COL15A1: variants seen among roughly 807,000 people sequenced by gnomAD.
The protein encoded by COL15A1 is collagen alpha-1(XV) chain.
COL15A1 carries 111 observed loss-of-function variants against 165.9 expected under a neutral mutation model. The observed-to-expected ratio is 0.67, with a 90% CI of 0.57 to 0.78. COL15A1 has a LOEUF of 0.78. COL15A1 is among the 30% of genes least tolerant of loss of function. The probability of loss-of-function intolerance (pLI) is 0.00; values close to 1 mark genes in which losing one functional copy is unlikely to be tolerated. For synonymous variants in COL15A1, 659 were observed against 674.8 expected (o/e 0.98, Z 0.36); for missense variants, 1,745 against 1,789.7 (o/e 0.98, Z 0.45).
intron 9 of COL15A1, among the ~76,000 whole-genome samples, chr9:99,007,182 T>A (rs1838777657): frequency 6.6e-6 from 1 of 152,218 alleles, no homozygotes; most frequent in South Asian, 2.1e-4. Flanking sequence ...AGCAATCAGA[T>A]ATGCATTTAT....
intron 2 of COL15A1, among the ~76,000 whole-genome samples, chr9:98,954,707 T>A (rs1564007401): frequency 6.6e-6 from 1 of 152,212 alleles, no homozygotes; most frequent in Non-Finnish European, 1.5e-5. Flanking sequence ...GCATGCCCAT[T>A]TTTAAGGCTT....
chr9:98,998,115 C>A (rs1424232667), intron 6 of COL15A1, among the ~76,000 whole-genome samples: 1 of 152,192 alleles, frequency 6.6e-6, no homozygotes, highest in Admixed American at 6.5e-5. Context: ...TATCTATTTA[C>A]ATATAGCTAT....
At chr9:98,964,140 C>T (rs900646603) in intron 2 of COL15A1, among the ~76,000 whole-genome samples, 2 of 152,252 alleles carry the variant, frequency 1.3e-5, no homozygotes, top group Admixed American at 1.3e-4. Context: ...AATTCCACGT[C>T]CTTTGCCCTG....
intron 2 of COL15A1, among the ~76,000 whole-genome samples, chr9:98,975,815 AG>A (rs1342786055): frequency 1.3e-5 from 2 of 152,052 alleles, no homozygotes; most frequent in Admixed American, 6.6e-5. Context: ...TGTTTAGAGG[AG>A]GGGGGATGAC....
In COL15A1 at chr9:98,984,875, A is replaced by G. The variant is rs577561702; in HGVS notation, c.101-690A>G. On this transcript the variant is annotated intron_variant, in intron 2 of 41. Coordinates refer to ENST00000375001, the MANE Select transcript of COL15A1 (RefSeq NM_001855.5). Reference sequence around the variant, plus strand: ...GGTGCGATCTCAGCTCACTGCAACCACCACCTCCGGGGTTCAAGTGATTCT... The same window carrying G: ...GGTGCGATCTCAGCTCACTGCAACCGCCACCTCCGGGGTTCAAGTGATTCT... 4.7e-4 allele frequency among the ~76,000 whole-genome samples: 71 copies of G among 152,286 alleles called. 1 individual carries two copies. Among genetic ancestry groups the G allele is most frequent in the Non-Finnish European group, 8.5e-4 (58 of 68,022 alleles).
chr9:99,034,982 G>T, intron 17 of COL15A1, 32 bp from the exon 18 acceptor site: 8 of 1,596,942 alleles, frequency 5.0e-6, no homozygotes, highest in Non-Finnish European at 6.9e-6. Flanking sequence ...TGAACCCAGG[G>T]CTAGATAATC....
intron 2 of COL15A1, among the ~76,000 whole-genome samples, chr9:98,963,717 T>G (rs956032857): frequency 5.9e-5 from 9 of 151,932 alleles, no homozygotes; most frequent in Admixed American, 6.6e-5. Context: ...ATGGTGGTGG[T>G]GGGTGATGGG....
At position 99,038,706 on chromosome 9, in the gene COL15A1, G is replaced by A. The variant is rs760671676; in HGVS notation, c.2448G>A (p.Ser816=). Residue 816 remains serine, a synonymous_variant, in exon 22 of 42, where the codon TCG becomes TCA. Transcript: ENST00000375001. ...TCACCCATGGATTCATGAATTTCTC[G>A]GACATTCCTGAGCTGGTGGGGCCTC... The part of the protein sequence containing the change: ...INITHGFMNF[S]DIPELVGPPG... 73 of 1,610,948 alleles carry A rather than the reference G, an allele frequency of 4.5e-5. No homozygotes were observed. Among genetic ancestry groups the A allele is most frequent in the Middle Eastern group, 1.6e-4 (1 of 6,078 alleles).
chr9:99,069,610 T>G lies in COL15A1; in HGVS notation c.3954-63T>G, dbSNP rs116771434. On this transcript the variant is annotated intron_variant, in intron 41 of 41. Transcript: ENST00000375001. ...ATTCATTAGACTTATGCCAATTTGCTTACCAAAAAATACCACAAAGAAGTG... is the reference window on the plus strand; with the variant it reads ...ATTCATTAGACTTATGCCAATTTGCGTACCAAAAAATACCACAAAGAAGTG... 2.3e-3 allele frequency: 3,604 copies of G among 1,570,408 alleles called. 39 individuals carry two copies. The African/African-American group carries it at 0.025, about 11-fold the overall frequency.
At chr9:99,036,634 C>G (rs2119055627) in intron 21 of COL15A1, among the ~76,000 whole-genome samples, 1 of 152,356 alleles carries the variant, frequency 6.6e-6, no homozygotes, top group East Asian at 1.9e-4. Context: ...ATTGAAAAAA[C>G]AGGCTAGGAG....
At chr9:98,996,819 C>G in intron 5 of COL15A1, 115 bp from the exon 6 acceptor site, 1 of 1,470,490 alleles carries the variant, frequency 6.8e-7, no homozygotes, top group Non-Finnish European at 9.2e-7. Context: ...CAAGCTTTCC[C>G]CTTGGTTTAT....
intron 36 of COL15A1, among the ~76,000 whole-genome samples, chr9:99,061,465 G>A (rs1825815411): frequency 6.6e-6 from 1 of 152,188 alleles, no homozygotes; most frequent in Non-Finnish European, 1.5e-5. Flanking sequence ...TGCATTTAAT[G>A]TAACTACCAA....
intron 39 of COL15A1, among the ~76,000 whole-genome samples, chr9:99,064,559 T>C (rs1231053690): frequency 1.3e-5 from 2 of 152,110 alleles, no homozygotes; most frequent in Non-Finnish European, 2.9e-5. Flanking sequence ...AGAGAATCTA[T>C]ACAGTCAGAA....
intron 2 of COL15A1, among the ~76,000 whole-genome samples, chr9:98,960,789 T>C (rs1269807480): frequency 6.6e-6 from 1 of 151,934 alleles, no homozygotes; most frequent in Non-Finnish European, 1.5e-5. Context: ...TGAAGGGGAG[T>C]GGCCAGTAAC....
rs774681001 is a variant in COL15A1, at chr9:99,056,367, C to T, written c.3300C>T (p.Pro1100=). 2 of 1,612,808 alleles carry T rather than the reference C, an allele frequency of 1.2e-6. No individual in the cohort carries two copies. Among genetic ancestry groups the T allele is most frequent in the Admixed American group, 3.3e-5 (2 of 59,962 alleles). ...GRPGDPGPPG[P]PGPPGPPAIL... is the part of the protein sequence containing the mutation. ...CTGGTGATCCTGGGCCACCGGGGCCCCCGGGGCCACCAGGACCTCCAGCTA... is the reference window on the plus strand; with the variant it reads ...CTGGTGATCCTGGGCCACCGGGGCCTCCGGGGCCACCAGGACCTCCAGCTA... The change falls in exon 35 of 42, where the codon CCC becomes CCT. Residue 1100 remains proline (P), a synonymous_variant. Transcript: ENST00000375001.
intron 2 of COL15A1, among the ~76,000 whole-genome samples, chr9:98,970,476 G>A (rs1838029580): frequency 1.3e-5 from 2 of 152,182 alleles, no homozygotes; most frequent in Admixed American, 1.3e-4. Flanking sequence ...AGCCCTTAAG[G>A]GGGTAGCAGG....
chr9:98,994,644 A>G (rs1838512857), intron 5 of COL15A1, among the ~76,000 whole-genome samples: 1 of 152,124 alleles, frequency 6.6e-6, no homozygotes, highest in South Asian at 2.1e-4. Flanking sequence ...CCCAGGGCTC[A>G]GCCAAGGACC....
rs780007918 is a variant in COL15A1 at position 98,987,265 on chromosome 9, G to A, written c.649-29G>A. 36 of 1,606,910 alleles carry A rather than the reference G, an allele frequency of 2.2e-5. No homozygotes were observed. The African/African-American group carries it at 3.2e-4, about 14-fold the overall frequency. On this transcript the variant is annotated intron_variant, in intron 3 of 41. Transcript: ENST00000375001. Reference sequence around the variant, plus strand: ...CAGTCATGCTGTGTACGTGCAAACCGTGGCTTCTGATCCGTCTCTTTTCCC... The same window carrying A: ...CAGTCATGCTGTGTACGTGCAAACCATGGCTTCTGATCCGTCTCTTTTCCC...
chr9:98,976,893 C>T (rs1212869982), intron 2 of COL15A1, among the ~76,000 whole-genome samples: 6 of 152,082 alleles, frequency 3.9e-5, no homozygotes, highest in Non-Finnish European at 8.8e-5. Flanking sequence ...TCCAAGAAGA[C>T]TTCATGGAGG....
Sources: allele counts gnomAD v4.1 joint callset (sites outside exome capture counted in the v4.1 genomes callset), GRCh38; gene constraint gnomAD v4.1.1; transcripts MANE v1.5; gene names NCBI Gene and HGNC (gene_info 2026-07-23, HGNC 2026-07-21).